CACNG4: variants seen among roughly 807,000 people sequenced by gnomAD.
CACNG4 encodes the protein voltage-dependent calcium channel gamma-4 subunit.
In CACNG4, 8 loss-of-function variants were observed where a neutral mutation model predicts 22.9. The observed-to-expected ratio is 0.35, with a 90% confidence interval of 0.21 to 0.63. The LOEUF is 0.63. Among genes scored for constraint, CACNG4 ranks in the 30% least tolerant of loss-of-function variants. The pLI is 0.72. For synonymous variants in CACNG4, 188 were observed against 191.9 expected (o/e 0.98, Z 0.17); for missense variants, 357 against 455.4 (o/e 0.78, Z 1.97).
intron 2 of CACNG4, among the ~76,000 whole-genome samples, chr17:67,018,640 G>T (rs2035514547): frequency 3.9e-5 from 6 of 152,136 alleles, no homozygotes. Context: ...CCCAGGCTGG[G>T]CCTCCCTGAG....
At chr17:67,029,360 G>T (rs1009939017) in intron 3 of CACNG4, among the ~76,000 whole-genome samples, 1 of 151,658 alleles carries the variant, frequency 6.6e-6, no homozygotes, top group Admixed American at 6.6e-5. Flanking sequence ...GGCCGGGTGT[G>T]GTGGCTCACG....
Position 66,980,229 on chromosome 17 carries a change from A to G in CACNG4, c.220+15098A>G, listed in dbSNP as rs541582320. On this transcript the variant is annotated intron_variant, in intron 1 of 3. Coordinates refer to ENST00000262138, the MANE Select transcript of CACNG4 (RefSeq NM_014405.4). ...TTTATTTCCTGTCAGCACAATTTCC[A>G]CATTGGGCTTCCATCCCTAGAAATC... 1.1e-4 allele frequency among the ~76,000 whole-genome samples: 17 copies of G among 152,310 alleles called. 1 individual carries two copies. In the South Asian group the frequency reaches 3.1e-3, roughly 28 times the overall value.
chr17:67,018,035 CCCCA>C (rs1421741259), intron 1 of CACNG4, among the ~76,000 whole-genome samples, 150 bp from the exon 2 acceptor site: 1 of 152,170 alleles, frequency 6.6e-6, no homozygotes, highest in Non-Finnish European at 1.5e-5. Context: ...TCTCCCGTGC[CCCCA>C]CCAGACTGGA....
At chr17:66,980,620 C>CTTTTTTTTTTTTTTTT (rs67051865) in intron 1 of CACNG4, among the ~76,000 whole-genome samples, 12 of 106,996 alleles carry the variant, frequency 1.1e-4, no homozygotes, top group African/African-American at 4.4e-4. Context: ...TGTGTAAATT[C>CTTTTTTTTTTTTTTTT]TTTTTTTTTT....
At chr17:66,981,647 T>G (rs996031267) in intron 1 of CACNG4, among the ~76,000 whole-genome samples, 1 of 152,178 alleles carries the variant, frequency 6.6e-6, no homozygotes, top group Non-Finnish European at 1.5e-5. Flanking sequence ...AGTAGGACGG[T>G]GCTCAGGCGA....
At chr17:66,979,651 G>T (rs191262791) in intron 1 of CACNG4, among the ~76,000 whole-genome samples, 1 of 151,728 alleles carries the variant, frequency 6.6e-6, no homozygotes, top group Admixed American at 6.6e-5. Flanking sequence ...ATATAAACCC[G>T]ATATTTAGAT....
chr17:67,026,971 C>T lies in CACNG4; in HGVS notation c.445+1971C>T, dbSNP rs111266886. Among the ~76,000 whole-genome samples, 961 of 152,078 alleles carry T rather than the reference C, an allele frequency of 6.3e-3. 10 individuals are homozygous for T. The highest frequency in any genetic ancestry group is 0.021 in the African/African-American group (868 of 41,454). ...CAGTCATTTTTCAAAAGGTGTGAGC[C>T]GTTTAGGAGGTCCCGGCTGTGACCC... On this transcript the variant is annotated intron_variant, in intron 3 of 3. Coordinates refer to ENST00000262138, the MANE Select transcript of CACNG4 (RefSeq NM_014405.4).
chr17:67,008,258 A>G (rs1285706428), intron 1 of CACNG4, among the ~76,000 whole-genome samples: 1 of 152,124 alleles, frequency 6.6e-6, no homozygotes, highest in African/African-American at 2.4e-5. Context: ...CTGCCTCTCC[A>G]CGCCTGGAGT....
At chr17:66,998,028 A>G (rs926015186) in intron 1 of CACNG4, among the ~76,000 whole-genome samples, 1 of 152,206 alleles carries the variant, frequency 6.6e-6, no homozygotes, top group Non-Finnish European at 1.5e-5. Flanking sequence ...GAAAGGGACC[A>G]CATGTGAGAA....
chr17:66,996,411 G>C (rs9913256), intron 1 of CACNG4, among the ~76,000 whole-genome samples: 9 of 143,064 alleles, frequency 6.3e-5, no homozygotes, highest in African/African-American at 2.4e-4. Context: ...ACAGGGTCTC[G>C]CTCTGTCACC....
At chr17:67,009,804 T>C (rs1218668439) in intron 1 of CACNG4, among the ~76,000 whole-genome samples, 1 of 152,174 alleles carries the variant, frequency 6.6e-6, no homozygotes, top group African/African-American at 2.4e-5. Context: ...AAAAGGACTC[T>C]AATCACATTT....
At chr17:66,990,655 A>C (rs1055942048) in intron 1 of CACNG4, among the ~76,000 whole-genome samples, 3 of 146,256 alleles carry the variant, frequency 2.1e-5, no homozygotes, top group Non-Finnish European at 4.5e-5. Flanking sequence ...TCCTTATTTT[A>C]TTTTATTTTA....
intron 2 of CACNG4, among the ~76,000 whole-genome samples, chr17:67,019,053 G>A (rs2035516974): frequency 6.6e-6 from 1 of 152,130 alleles, no homozygotes; most frequent in African/African-American, 2.4e-5. Flanking sequence ...CCATTTTGGA[G>A]TCATTTTCCC....
At chr17:66,999,204 T>C (rs762688573) in intron 1 of CACNG4, among the ~76,000 whole-genome samples, 12 of 152,162 alleles carry the variant, frequency 7.9e-5, no homozygotes, top group Non-Finnish European at 1.5e-4. Context: ...TGAGTTAGAA[T>C]ATGAAGTACA....
chr17:67,025,862 C>T (rs373566667), intron 3 of CACNG4, among the ~76,000 whole-genome samples: 8 of 152,376 alleles, frequency 5.3e-5, no homozygotes, highest in African/African-American at 1.9e-4. Flanking sequence ...GAGGGGCTGG[C>T]TCCAGCTCTG....
intron 1 of CACNG4, among the ~76,000 whole-genome samples, chr17:67,016,306 C>CT (rs1483122390): frequency 6.6e-6 from 1 of 152,200 alleles, no homozygotes; most frequent in African/African-American, 2.4e-5. Flanking sequence ...AGCATCACCT[C>CT]TGAGACCCTC....
At chr17:66,979,854 C>G (rs907351363) in intron 1 of CACNG4, among the ~76,000 whole-genome samples, 4 of 141,812 alleles carry the variant, frequency 2.8e-5, no homozygotes, top group African/African-American at 1.1e-4. Flanking sequence ...GGTCCTGGTT[C>G]AAGTAATTCT....
intron 1 of CACNG4, among the ~76,000 whole-genome samples, chr17:66,973,016 C>T (rs550234479): frequency 4.5e-4 from 68 of 152,116 alleles, no homozygotes; most frequent in African/African-American, 1.5e-3. Context: ...GAGGCCAAGG[C>T]GGGTGGATCA....
intron 1 of CACNG4, among the ~76,000 whole-genome samples, chr17:67,002,083 C>T (rs759483893): frequency 2.0e-5 from 3 of 152,172 alleles, no homozygotes; most frequent in Non-Finnish European, 4.4e-5. Flanking sequence ...TGAAGAAATA[C>T]CTGAGACTTG....
Sources: gnomAD v4.1 joint callset for allele counts (sites outside exome capture counted in the v4.1 genomes callset) on GRCh38, gnomAD v4.1.1 for gene constraint, MANE v1.5 for transcripts, NCBI Gene and HGNC (gene_info 2026-07-23, HGNC 2026-07-21) for gene names.